HLCS: variants seen among roughly 807,000 people sequenced by gnomAD.
The protein encoded by HLCS is biotin--protein ligase.
In HLCS, 53 loss-of-function variants were observed where a neutral mutation model predicts 75.0. The observed-to-expected ratio is 0.71, with a 90% CI of 0.57 to 0.89. The LOEUF (loss-of-function observed/expected upper bound fraction) is 0.89, where lower values mean the gene tolerates loss of function less well. HLCS is among the 40% of genes least tolerant of loss of function. The probability of loss-of-function intolerance (pLI) is 0.00; values close to 1 mark genes in which losing one functional copy is unlikely to be tolerated. For missense variants in HLCS, 966 were observed against 1,074.0 expected (o/e 0.90, Z 1.41); for synonymous variants, 431 against 428.6 (o/e 1.01, Z -0.07).
intron 6 of HLCS, among the ~76,000 whole-genome samples, chr21:36,838,772 A>G (rs1011711576): frequency 6.6e-6 from 1 of 152,112 alleles, no homozygotes; most frequent in Non-Finnish European, 1.5e-5. Flanking sequence ...AGGAGTTCAC[A>G]TGAAGACGGG....
chr21:36,892,010 T>C (rs1400727035), intron 6 of HLCS, among the ~76,000 whole-genome samples: 1 of 152,130 alleles, frequency 6.6e-6, no homozygotes, highest in African/African-American at 2.4e-5. Flanking sequence ...CTGAGGCCTT[T>C]AAAAGACCAG....
rs181731194 is a variant in HLCS, at chr21:36,983,003, C to T, written c.-393+7155G>A. On this transcript the variant is annotated intron_variant, in intron 1 of 11. Coordinates refer to the HLCS transcript ENST00000336648. ...GAGCCGAGATTGTGCCAATGCACTACAGCCTGGGCGACACAGCGAGACTCC... is the reference window on the plus strand; with the variant it reads ...GAGCCGAGATTGTGCCAATGCACTATAGCCTGGGCGACACAGCGAGACTCC... 1.2e-3 allele frequency among the ~76,000 whole-genome samples: 178 copies of T among 151,932 alleles called. 2 individuals carry two copies. Among genetic ancestry groups the T allele is most frequent in the African/African-American group, 4.0e-3 (166 of 41,444 alleles).
chr21:36,842,593 G>A lies in HLCS; in HGVS notation c.1892+54267C>T, dbSNP rs1013643052. Among the ~76,000 whole-genome samples the A allele has an allele frequency of 6.6e-6, 1 of 152,036 alleles. No homozygotes were observed. Among genetic ancestry groups the A allele is most frequent in the Admixed American group, 6.6e-5 (1 of 15,250 alleles). On this transcript the variant is annotated intron_variant, in intron 6 of 10. Transcript: ENST00000674895. The surrounding 1 kb of genome is among the most constrained non-coding windows in gnomAD (Gnocchi z 4.2). The stretch of plus-strand genomic sequence containing the variant: ...CATTTCTACTAAAAATACAAAAGAA[G>A]TTGGCTGGGTGTGGTGACGCACGCC...
intron 2 of HLCS, among the ~76,000 whole-genome samples, chr21:36,952,910 C>T (rs1321480723): frequency 6.6e-6 from 1 of 151,416 alleles, no homozygotes; most frequent in Admixed American, 6.6e-5. Flanking sequence ...TGCTAATTAT[C>T]TCCCAAAATC....
At chr21:36,774,742 C>T (rs540442945) in intron 6 of HLCS, among the ~76,000 whole-genome samples, 1 of 152,268 alleles carries the variant, frequency 6.6e-6, no homozygotes, top group South Asian at 2.1e-4. Context: ...GTGACACTAG[C>T]AATGGGGGAT....
At chr21:36,834,783 T>C (rs2062348585) in intron 6 of HLCS, among the ~76,000 whole-genome samples, 1 of 152,204 alleles carries the variant, frequency 6.6e-6, no homozygotes, top group Non-Finnish European at 1.5e-5. Flanking sequence ...CTCAATCTCT[T>C]GACCTCGTGA....
At position 36,749,768 on chromosome 21, in the gene HLCS, A is replaced by G. The variant is rs1427129972; in HGVS notation, c.*4478T>C. 6.6e-6 allele frequency: 1 copy of G among 152,140 alleles called. No individual in the cohort carries two copies. Among genetic ancestry groups the G allele is most frequent in the Non-Finnish European group, 1.5e-5 (1 of 68,028 alleles). The allele number at this position is 152,140 out of a possible 1,614,324, so 9.4% of individuals were successfully genotyped here. On this transcript the variant is annotated 3_prime_UTR_variant, in exon 11 of 11. Transcript: ENST00000674895. ...TTGATTACTAGGAGATACCACCGAC[A>G]TTTTTCAATAAAGTACTGCAAAATG...
At chr21:36,787,710 C>T (rs2060732524) in intron 6 of HLCS, among the ~76,000 whole-genome samples, 1 of 152,118 alleles carries the variant, frequency 6.6e-6, no homozygotes, top group South Asian at 2.1e-4. Context: ...GCCGCTCGAC[C>T]ATGAGGATAT....
chr21:36,783,473 G>A (rs372048116), intron 6 of HLCS, among the ~76,000 whole-genome samples: 191 of 152,212 alleles, frequency 1.3e-3, no homozygotes, highest in African/African-American at 4.0e-3. Context: ...ATGAAGCATC[G>A]CATTATTTTG....
At chr21:36,864,863 A>G (rs1396457538) in intron 6 of HLCS, among the ~76,000 whole-genome samples, 1 of 152,190 alleles carries the variant, frequency 6.6e-6, no homozygotes, top group Non-Finnish European at 1.5e-5. Flanking sequence ...CCATATACCT[A>G]AGTACAGGGA....
chr21:36,912,297 CAA>C (rs747666616), intron 5 of HLCS, among the ~76,000 whole-genome samples: 1 of 112,348 alleles, frequency 8.9e-6, no homozygotes. Flanking sequence ...ATTATTCAGC[CAA>C]AAAAAAAAAA....
intron 5 of HLCS, among the ~76,000 whole-genome samples, chr21:36,902,141 G>A (rs1229327544): frequency 6.6e-6 from 1 of 152,132 alleles, no homozygotes; most frequent in African/African-American, 2.4e-5. Context: ...AAAGTCAGAT[G>A]GGAGTAGTGA....
intron 1 of HLCS, among the ~76,000 whole-genome samples, chr21:36,984,322 C>T (rs2069186363): frequency 6.6e-6 from 1 of 151,860 alleles, no homozygotes; most frequent in Non-Finnish European, 1.5e-5. Flanking sequence ...ACGTTAGGCA[C>T]AATAACAAAT....
At chr21:36,912,926 T>C (rs2065782581) in intron 5 of HLCS, among the ~76,000 whole-genome samples, 1 of 152,156 alleles carries the variant, frequency 6.6e-6, no homozygotes, top group Non-Finnish European at 1.5e-5. Context: ...ACAAAAGTCA[T>C]TTCCAAGGTG....
At chr21:36,956,349 G>A (rs1569245297) in intron 2 of HLCS, among the ~76,000 whole-genome samples, 1 of 152,126 alleles carries the variant, frequency 6.6e-6, no homozygotes, top group Admixed American at 6.5e-5. Flanking sequence ...ATAAACCAAC[G>A]ATGAGAGTAC....
In HLCS at chr21:36,937,181, G is replaced by T; in HGVS notation, c.705C>A (p.Asp235Glu). Residue 235 changes from aspartate (D) to glutamate (E), a missense_variant, in exon 4 of 11, where the codon GAC becomes GAA. Coordinates refer to ENST00000674895, the MANE Select transcript of HLCS (RefSeq NM_001352514.2). ...CAACGGGGCCCCCTCCCCTGTCACT[G>T]TCCCCAGCAGGCTCACTCCCAGAGG... ...GSASGSEPAG[D>E]SDRGGGPVEH... 1 of 1,614,124 alleles carries T rather than the reference G, an allele frequency of 6.2e-7. No homozygotes were observed. Among genetic ancestry groups the T allele is most frequent in the Non-Finnish European group, 8.5e-7 (1 of 1,180,012 alleles).
chr21:36,988,847 T>C (rs1231672331), intron 1 of HLCS, among the ~76,000 whole-genome samples: 2 of 152,158 alleles, frequency 1.3e-5, no homozygotes, highest in Non-Finnish European at 2.9e-5. Context: ...GTGCAGATTG[T>C]CAGTTCATGT....
At chr21:36,836,611 T>C in intron 6 of HLCS, among the ~76,000 whole-genome samples, 1 of 151,044 alleles carries the variant, frequency 6.6e-6, no homozygotes, top group South Asian at 2.1e-4. Flanking sequence ...CGCAACCTAC[T>C]CATCTGACAA....
intron 1 of HLCS, among the ~76,000 whole-genome samples, chr21:36,987,383 T>G (rs1260471687): frequency 1.3e-5 from 2 of 152,070 alleles, no homozygotes; most frequent in South Asian, 2.1e-4. Flanking sequence ...GAGGCTGAGG[T>G]GGGCAGATCA....
Sources: allele counts gnomAD v4.1 joint callset (sites outside exome capture counted in the v4.1 genomes callset), GRCh38; gene constraint gnomAD v4.1.1; non-coding constraint Gnocchi (gnomAD v3.1); transcripts MANE v1.5; gene names NCBI Gene and HGNC (gene_info 2026-07-23, HGNC 2026-07-21).